CCDC178: variants seen among roughly 807,000 people sequenced by gnomAD.
CCDC178 encodes the protein coiled-coil domain containing 178.
In CCDC178, 126 loss-of-function variants were observed where a neutral mutation model predicts 117.4. The observed-to-expected ratio is 1.07, with a 90% CI of 0.93 to 1.24. The LOEUF (loss-of-function observed/expected upper bound fraction) is 1.24, where lower values mean the gene tolerates loss of function less well. CCDC178 is among the 50% of genes most tolerant of loss of function. The pLI, the probability that CCDC178 is intolerant of heterozygous loss-of-function variation, is 0.00. For synonymous variants in CCDC178, 283 were observed against 313.4 expected (o/e 0.90, Z 1.02); for missense variants, 1,030 against 986.9 (o/e 1.04, Z -0.59).
At chr18:33,187,120 A>AGAGAGAGAGCGACT (rs1397803073) in intron 20 of CCDC178, among the ~76,000 whole-genome samples, 2 of 151,694 alleles carry the variant, frequency 1.3e-5, no homozygotes, top group African/African-American at 4.8e-5. Context: ...AGAGAGACTG[A>AGAGAGAGAGCGACT]GAGAGAGAAC....
rs761048909 is a variant in CCDC178, at chr18:33,092,926, AT to A, written c.2239-17del. 1.9e-5 allele frequency: 28 copies of A among 1,465,692 alleles called. No homozygotes were observed. The highest frequency in any genetic ancestry group is 4.6e-5 in the East Asian group (2 of 43,318). The allele number at this position is 1,465,692 out of a possible 1,614,324, so 90.8% of individuals were successfully genotyped here. On this transcript the variant is annotated splice_polypyrimidine_tract_variant and intron_variant, in intron 20 of 22. Coordinates refer to ENST00000383096, the MANE Select transcript of CCDC178 (RefSeq NM_001105528.4). ...CTATTATTTTCTAGAAGGTAAAAAA[AT>A]ATAATTGAATTGTGTGTATATATAT...
At chr18:33,047,635 A>C (rs780997887) in intron 21 of CCDC178, among the ~76,000 whole-genome samples, 4 of 152,148 alleles carry the variant, frequency 2.6e-5, no homozygotes, top group Non-Finnish European at 4.4e-5. Context: ...AAATGCCCTG[A>C]TCTTCATGTC....
intron 18 of CCDC178, among the ~76,000 whole-genome samples, chr18:33,218,727 G>C (rs1384531252): frequency 5.3e-5 from 8 of 152,022 alleles, no homozygotes; most frequent in African/African-American, 1.9e-4. Context: ...CCCATTTCTT[G>C]TTTTTGCCAG....
At chr18:32,974,890 T>TG (rs1258261876) in intron 21 of CCDC178, among the ~76,000 whole-genome samples, 1 of 152,070 alleles carries the variant, frequency 6.6e-6, no homozygotes, top group Non-Finnish European at 1.5e-5. Flanking sequence ...GCCGCCAGGA[T>TG]GGGGGGTTAA....
chr18:33,227,564 A>ATATATATATATATG (rs1292704825), intron 15 of CCDC178, among the ~76,000 whole-genome samples: 1 of 142,974 alleles, frequency 7.0e-6, no homozygotes, highest in Non-Finnish European at 1.5e-5. Context: ...GTGTATATAT[A>ATATATATATATATG]TATATATATA....
At chr18:33,092,990 T>G (rs1406652893) in intron 20 of CCDC178, 80 bp from the exon 21 acceptor site, 1 of 872,034 alleles carries the variant, frequency 1.1e-6, no homozygotes, top group Non-Finnish European at 1.7e-6. Context: ...TGTTTGAATT[T>G]TTACATCTTT....
At position 33,380,956 on chromosome 18, in the gene CCDC178, C is replaced by T. The variant is rs142584547; in HGVS notation, c.208+8584G>A. 8.1e-4 allele frequency among the ~76,000 whole-genome samples: 105 copies of T among 130,040 alleles called. 1 individual carries two copies. Among genetic ancestry groups the T allele is most frequent in the African/African-American group, 2.8e-3 (103 of 36,958 alleles). The allele number at this position is 130,040 out of a possible 152,430, so 85.3% of individuals were successfully genotyped here. On this transcript the variant is annotated intron_variant, in intron 5 of 22. Coordinates refer to ENST00000383096, the MANE Select transcript of CCDC178 (RefSeq NM_001105528.4). ...CGAGGCACGTCTACTATCTGTAAAACTAAACTCATCTTCCCTCCATTTAAC... is the reference window on the plus strand; with the variant it reads ...CGAGGCACGTCTACTATCTGTAAAATTAAACTCATCTTCCCTCCATTTAAC...
intron 2 of CCDC178, among the ~76,000 whole-genome samples, chr18:33,417,457 T>G (rs2063959814): frequency 6.6e-6 from 1 of 151,900 alleles, no homozygotes; most frequent in Non-Finnish European, 1.5e-5. Flanking sequence ...TATCAAGGAA[T>G]GCTGTGGTGG....
chr18:33,177,036 T>G (rs1248958719), intron 20 of CCDC178, among the ~76,000 whole-genome samples: 1 of 152,218 alleles, frequency 6.6e-6, no homozygotes, highest in African/African-American at 2.4e-5. Flanking sequence ...TCTTATTGAA[T>G]GAACTCATGT....
At position 33,327,256 on chromosome 18, in the gene CCDC178, C is replaced by T. The variant is rs79458276; in HGVS notation, c.880-3623G>A. On this transcript the variant is annotated intron_variant, in intron 10 of 22. Transcript: ENST00000383096. ...TAGCATAATGCTTTGACGTTATATT[C>T]ATGTTGTAGCATGTATCAGTACCTC... Among the ~76,000 whole-genome samples the T allele has an allele frequency of 5.6e-3, 855 of 152,178 alleles. 7 individuals carry two copies. The highest frequency in any genetic ancestry group is 0.018 in the African/African-American group (764 of 41,504).
intron 18 of CCDC178, among the ~76,000 whole-genome samples, chr18:33,217,520 A>G (rs2059180963): frequency 6.6e-6 from 1 of 151,858 alleles, no homozygotes; most frequent in African/African-American, 2.4e-5. Context: ...AATATGTTAA[A>G]TATTTTTAGA....
At chr18:33,138,908 A>C (rs2058161631) in intron 20 of CCDC178, among the ~76,000 whole-genome samples, 1 of 152,182 alleles carries the variant, frequency 6.6e-6, no homozygotes, top group African/African-American at 2.4e-5. Context: ...AATTTTCACA[A>C]ACAAGACAAA....
chr18:33,353,046 C>A (rs1290464321), intron 7 of CCDC178, among the ~76,000 whole-genome samples: 3 of 151,636 alleles, frequency 2.0e-5, no homozygotes, highest in Non-Finnish European at 4.4e-5. Context: ...GTCTATTATT[C>A]CCTTCAATTC....
intron 20 of CCDC178, among the ~76,000 whole-genome samples, chr18:33,138,286 C>A (rs2058153737): frequency 6.6e-6 from 1 of 152,144 alleles, no homozygotes; most frequent in Non-Finnish European, 1.5e-5. Context: ...TGAGAAAGCA[C>A]AGAAGAACTT....
At chr18:33,283,212 T>C (rs771324006) in intron 12 of CCDC178, among the ~76,000 whole-genome samples, 3 of 151,996 alleles carry the variant, frequency 2.0e-5, no homozygotes, top group Non-Finnish European at 2.9e-5. Context: ...GTCTAGGAGT[T>C]AGGAGCTGAA....
At chr18:33,192,369 C>T (rs1254468537) in intron 20 of CCDC178, among the ~76,000 whole-genome samples, 2 of 152,150 alleles carry the variant, frequency 1.3e-5, no homozygotes, top group Admixed American at 1.3e-4. Context: ...AGACACTAAA[C>T]TGAATTTTCT....
chr18:33,014,191 T>C (rs914817213), intron 21 of CCDC178, among the ~76,000 whole-genome samples: 11 of 152,226 alleles, frequency 7.2e-5, no homozygotes, highest in African/African-American at 2.7e-4. Flanking sequence ...AAACACAGGA[T>C]GCAGCGGAAT....
At chr18:33,024,371 T>C (rs1305023735) in intron 21 of CCDC178, among the ~76,000 whole-genome samples, 1 of 152,120 alleles carries the variant, frequency 6.6e-6, no homozygotes, top group Non-Finnish European at 1.5e-5. Context: ...CTGGCTGCTT[T>C]CTGTCTTTCT....
chr18:33,193,817 G>A (rs463331), intron 20 of CCDC178, among the ~76,000 whole-genome samples: 24,543 of 152,076 alleles, frequency 0.16, 2,767 homozygotes, highest in African/African-American at 0.32. Flanking sequence ...TTGTGCTTCT[G>A]TGACATAATA....
Sources: allele counts gnomAD v4.1 joint callset (sites outside exome capture counted in the v4.1 genomes callset), GRCh38; gene constraint gnomAD v4.1.1; transcripts MANE v1.5; gene names NCBI Gene and HGNC (gene_info 2026-07-23, HGNC 2026-07-21).